Variants in ATL1 observed in about 807,000 individuals in gnomAD.
ATL1 encodes atlastin GTPase 1, also known as atlastin-1.
A neutral mutation model predicts 75.5 loss-of-function variants in ATL1; 31 were observed. That is an observed-to-expected ratio of 0.41 (90% confidence interval 0.31 to 0.55). The LOEUF (loss-of-function observed/expected upper bound fraction) is 0.55. Among genes scored for constraint, ATL1 ranks in the 20% least tolerant of loss-of-function variants. ATL1 has a pLI of 0.27. For missense variants in ATL1, 405 were observed against 662.6 expected (o/e 0.61, Z 4.27); for synonymous variants, 226 against 233.3 (o/e 0.97, Z 0.28).
chr14:50,626,928 A>C (rs1314320423), intron 11 of ATL1, among the ~76,000 whole-genome samples: 1 of 152,182 alleles, frequency 6.6e-6, no homozygotes, highest in Non-Finnish European at 1.5e-5. Flanking sequence ...CCAGGGCTTT[A>C]AAATATGAAA....
chr14:50,569,652 A>C (rs2038937313), intron 1 of ATL1, among the ~76,000 whole-genome samples: 1 of 152,138 alleles, frequency 6.6e-6, no homozygotes, highest in African/African-American at 2.4e-5. Flanking sequence ...TTATTTCTTC[A>C]TGTGGCTTTA....
intron 11 of ATL1, among the ~76,000 whole-genome samples, chr14:50,625,303 G>A (rs779161321): frequency 6.6e-6 from 1 of 152,152 alleles, no homozygotes; most frequent in Non-Finnish European, 1.5e-5. Flanking sequence ...GCTAGCAGAG[G>A]TTTTTGGTTC....
chr14:50,568,656 A>G (rs950812406), intron 1 of ATL1, among the ~76,000 whole-genome samples: 25 of 152,086 alleles, frequency 1.6e-4, no homozygotes, highest in African/African-American at 5.8e-4. Context: ...GAGAGTTTAT[A>G]TCTGTTTACA....
intron 6 of ATL1, among the ~76,000 whole-genome samples, chr14:50,598,771 G>A (rs1343480309): frequency 2.6e-5 from 4 of 152,218 alleles, no homozygotes; most frequent in Non-Finnish European, 4.4e-5. Flanking sequence ...GCAAAGCTCA[G>A]TGGAACTAAA....
At chr14:50,624,515 C>G (rs1024912977) in intron 11 of ATL1, among the ~76,000 whole-genome samples, 2 of 151,938 alleles carry the variant, frequency 1.3e-5, no homozygotes, top group Admixed American at 6.6e-5. Flanking sequence ...CCAGCAGTTC[C>G]CCCATCCCTC....
In ATL1 at chr14:50,560,271, C is replaced by T; in HGVS notation, c.6C>T (p.Ala2=). M[A]KNRRDRNSWG... ...CCACCAGCTCCTGGACCACCATGGC[C>T]AAGAACCGCAGGGACAGAAACAGTT... The change falls in exon 1 of 14, where the codon GCC becomes GCT. Residue 2 remains alanine, a synonymous_variant. Transcript: ENST00000358385. 6.2e-7 allele frequency: 1 copy of T among 1,614,012 alleles called. No homozygotes were observed. The highest frequency in any genetic ancestry group is 8.5e-7 in the Non-Finnish European group (1 of 1,179,910).
chr14:50,550,239 C>T (rs914764331), intron 1 of ATL1, among the ~76,000 whole-genome samples: 4 of 152,214 alleles, frequency 2.6e-5, no homozygotes, highest in Admixed American at 2.6e-4. Context: ...GAGAGGGAAG[C>T]CATGTGTGGT....
At chr14:50,603,665 T>C (rs1370015495) in intron 6 of ATL1, among the ~76,000 whole-genome samples, 2 of 152,198 alleles carry the variant, frequency 1.3e-5, no homozygotes, top group Admixed American at 6.5e-5. Context: ...AATTCTTTGA[T>C]AGTGATTTAA....
chr14:50,568,701 T>C (rs989213790), intron 1 of ATL1, among the ~76,000 whole-genome samples: 1 of 152,200 alleles, frequency 6.6e-6, no homozygotes, highest in Non-Finnish European at 1.5e-5. Flanking sequence ...TGACTTCTTT[T>C]GTTTGTCTTG....
intron 1 of ATL1, among the ~76,000 whole-genome samples, chr14:50,563,288 A>G (rs2038869485): frequency 6.6e-6 from 1 of 152,200 alleles, no homozygotes; most frequent in Non-Finnish European, 1.5e-5. Context: ...CTGAAATTAG[A>G]ATCTGGGTTT....
intron 1 of ATL1, among the ~76,000 whole-genome samples, chr14:50,550,354 C>G (rs1340581053): frequency 1.3e-5 from 2 of 152,142 alleles, no homozygotes; most frequent in African/African-American, 4.8e-5. Context: ...CATGAGGGTC[C>G]CTACTGAACA....
Position 50,632,284 on chromosome 14 carries a change from CT to C in ATL1, c.1625del (p.Phe542SerfsTer64). ...ACCCACAGACATCTGTATCATCAAG[CT>C]TTCCCTACACCAAAGTCGGAATCTA... ...AATHRHLYHQ[A>X]FPTPKSESTE... On this transcript the variant is annotated frameshift_variant, in exon 14 of 14. Coordinates refer to ENST00000358385, the MANE Select transcript of ATL1 (RefSeq NM_015915.5). LOFTEE classifies it high-confidence loss of function. 1 of 1,613,682 alleles carries C rather than the reference CT, an allele frequency of 6.2e-7. No individual in the cohort carries two copies. The highest frequency in any genetic ancestry group is 8.5e-7 in the Non-Finnish European group (1 of 1,179,718).
intron 1 of ATL1, among the ~76,000 whole-genome samples, chr14:50,546,475 G>A (rs2038633908): frequency 6.6e-6 from 1 of 152,072 alleles, no homozygotes; most frequent in South Asian, 2.1e-4. Flanking sequence ...TGGCTTATAA[G>A]TAAATGAGTA....
chr14:50,560,351 C>G (rs756477850), intron 1 of ATL1, 52 bp downstream of exon 1: 2 of 1,602,620 alleles, frequency 1.2e-6, no homozygotes, highest in East Asian at 4.5e-5. Flanking sequence ...TCTGGCCCTC[C>G]ACTTTCTGCT....
chr14:50,629,319 C>T (rs542750894), intron 12 of ATL1, among the ~76,000 whole-genome samples: 4 of 152,258 alleles, frequency 2.6e-5, no homozygotes, highest in South Asian at 2.1e-4. Flanking sequence ...CGGTGGCTCA[C>T]GCCTGTAATC....
intron 1 of ATL1, chr14:50,560,924 G>A (rs2038835662): frequency 1.3e-5 from 2 of 153,208 alleles, no homozygotes; most frequent in Non-Finnish European, 2.9e-5. Context: ...TTGGGGGTTG[G>A]GTGGGGGAAT....
chr14:50,574,661 CAT>C (rs971780807), intron 1 of ATL1, among the ~76,000 whole-genome samples: 2 of 152,008 alleles, frequency 1.3e-5, no homozygotes, highest in African/African-American at 4.8e-5. Context: ...CTTCTTAAAA[CAT>C]GTGAACATAT....
chr14:50,533,787 A>T (rs2038455515), intron 1 of ATL1, among the ~76,000 whole-genome samples: 1 of 152,056 alleles, frequency 6.6e-6, no homozygotes, highest in Non-Finnish European at 1.5e-5. Context: ...TATAATGTAT[A>T]ATAAGGAGTA....
chr14:50,536,620 T>C (rs1242930528), intron 1 of ATL1, among the ~76,000 whole-genome samples: 1 of 152,136 alleles, frequency 6.6e-6, no homozygotes, highest in Non-Finnish European at 1.5e-5. Context: ...TGAATGGCTT[T>C]GACAAAAATG....
Sources: gnomAD v4.1 joint callset for allele counts (sites outside exome capture counted in the v4.1 genomes callset) on GRCh38, gnomAD v4.1.1 for gene constraint, MANE v1.5 for transcripts, NCBI Gene and HGNC (gene_info 2026-07-23, HGNC 2026-07-21) for gene names.